The following DSCAM variants were observed in gnomAD, a reference collection of about 807,000 sequenced individuals.
The protein encoded by DSCAM is DS cell adhesion molecule.
In DSCAM, 47 loss-of-function variants were observed where a neutral mutation model predicts 217.7. That is an observed-to-expected ratio of 0.22 (90% CI 0.17 to 0.28). The LOEUF is 0.28. Ranked by LOEUF, DSCAM falls within the 10% of genes least tolerant of loss-of-function variation. The pLI is 1.00. For synonymous variants in DSCAM, 1,056 were observed against 1,015.3 expected (o/e 1.04, Z -0.76); for missense variants, 2,080 against 2,618.3 (o/e 0.79, Z 4.49).
rs779717185 is a variant in DSCAM at position 40,627,803 on chromosome 21, G to A, written c.508+65007C>T. Reference sequence around the variant, plus strand: ...TTAAGCATGGTTGCACAGAGAAATCGAACCATTATTTGGATTCAGATTTAC... The same window carrying A: ...TTAAGCATGGTTGCACAGAGAAATCAAACCATTATTTGGATTCAGATTTAC... On this transcript the variant is annotated intron_variant, in intron 3 of 32. Coordinates refer to ENST00000400454, the MANE Select transcript of DSCAM (RefSeq NM_001389.5). Among the ~76,000 whole-genome samples the A allele has an allele frequency of 2.6e-5, 4 of 152,240 alleles. No individual in the cohort carries two copies. In the South Asian group the frequency reaches 6.2e-4, roughly 24 times the overall value.
At chr21:40,590,071 C>T (rs946755838) in intron 3 of DSCAM, among the ~76,000 whole-genome samples, 2 of 152,198 alleles carry the variant, frequency 1.3e-5, no homozygotes, top group African/African-American at 4.8e-5. Flanking sequence ...CAGTTTCCGT[C>T]ATTTTGTAAG....
intron 14 of DSCAM, among the ~76,000 whole-genome samples, chr21:40,185,129 T>C (rs1187715317): frequency 6.6e-6 from 1 of 152,062 alleles, no homozygotes; most frequent in Non-Finnish European, 1.5e-5. Context: ...AATCAGCATA[T>C]TTGTCAGTAA....
intron 3 of DSCAM, among the ~76,000 whole-genome samples, chr21:40,490,187 C>A (rs1322695421): frequency 6.6e-6 from 1 of 152,158 alleles, no homozygotes; most frequent in African/African-American, 2.4e-5. Flanking sequence ...AGACCCACCC[C>A]CATGATTCAA....
chr21:40,339,192 G>A lies in DSCAM; in HGVS notation c.1434C>T (p.Asp478=), dbSNP rs759939882. ...YLNISSSQVR[D]GGVYRCTANN... ...TGGCAGTGCAGCGGTAGACTCCCCC[G>A]TCCCGGACCTGGGAGCTGGAGATGT... The change falls in exon 7 of 33, where the codon GAC becomes GAT. Residue 478 remains aspartate (D), a synonymous_variant. Transcript: ENST00000400454. 2.5e-6 allele frequency: 4 copies of A among 1,614,166 alleles called. No individual in the cohort carries two copies. The highest frequency in any genetic ancestry group is 1.1e-5 in the South Asian group (1 of 91,084).
intron 1 of DSCAM, among the ~76,000 whole-genome samples, chr21:40,723,537 T>G (rs78624243): frequency 1.3e-5 from 2 of 152,222 alleles, no homozygotes; most frequent in Non-Finnish European, 1.5e-5. Context: ...GGCAGCATGC[T>G]TCATAGGAGA....
At chr21:40,631,237 T>C (rs1022664886) in intron 3 of DSCAM, among the ~76,000 whole-genome samples, 1 of 152,190 alleles carries the variant, frequency 6.6e-6, no homozygotes, top group Admixed American at 6.5e-5. Flanking sequence ...AGTGCAGCTC[T>C]ATCTGCCCCA....
At chr21:40,630,950 A>G (rs1298764701) in intron 3 of DSCAM, among the ~76,000 whole-genome samples, 2 of 152,186 alleles carry the variant, frequency 1.3e-5, no homozygotes, top group Non-Finnish European at 2.9e-5. Flanking sequence ...CCAAGGAGAG[A>G]AAGACTCTGG....
intron 1 of DSCAM, among the ~76,000 whole-genome samples, chr21:40,816,091 T>C (rs527478678): frequency 4.5e-4 from 68 of 152,316 alleles, no homozygotes; most frequent in African/African-American, 1.6e-3. Context: ...AGAGAAACAA[T>C]GTCAAAACAG....
chr21:40,310,708 G>A (rs2074128234), intron 9 of DSCAM, among the ~76,000 whole-genome samples: 1 of 152,166 alleles, frequency 6.6e-6, no homozygotes, highest in African/African-American at 2.4e-5. Flanking sequence ...TAGAAAGCAG[G>A]CTGATGTACT....
chr21:40,364,929 CAAG>C, intron 4 of DSCAM, among the ~76,000 whole-genome samples: 1 of 149,750 alleles, frequency 6.7e-6, no homozygotes, highest in African/African-American at 2.4e-5. Flanking sequence ...TATAAATTTT[CAAG>C]AATTATAAAA....
chr21:40,388,480 A>G (rs1462206248), intron 3 of DSCAM, among the ~76,000 whole-genome samples: 4 of 152,114 alleles, frequency 2.6e-5, no homozygotes, highest in African/African-American at 7.2e-5. Flanking sequence ...TGCTTTTGAC[A>G]CTTTTCCACA....
intron 3 of DSCAM, among the ~76,000 whole-genome samples, chr21:40,585,519 C>T (rs2076940125): frequency 6.6e-6 from 1 of 151,900 alleles, no homozygotes. Flanking sequence ...TAAAGCACAG[C>T]AAAATACATG....
At chr21:40,841,328 A>G (rs1462002408) in intron 1 of DSCAM, among the ~76,000 whole-genome samples, 4 of 152,002 alleles carry the variant, frequency 2.6e-5, no homozygotes, top group Non-Finnish European at 5.9e-5. Context: ...CATAGTGGAT[A>G]CTCCGTGGGG....
In DSCAM at chr21:40,326,552, C is replaced by T. The variant is rs114074344; in HGVS notation, c.1783+11549G>A. 9.0e-3 allele frequency among the ~76,000 whole-genome samples: 1,375 copies of T among 152,140 alleles called. 18 individuals carry two copies. The highest frequency in any genetic ancestry group is 0.031 in the African/African-American group (1,282 of 41,506). ...CGACTGGGAGCTTTATGTGGAGAAA[C>T]GGGGAACTATTTAGTGTTGCTCTAG... On this transcript the variant is annotated intron_variant, in intron 8 of 32. Transcript: ENST00000400454.
chr21:40,476,380 T>G, intron 3 of DSCAM, among the ~76,000 whole-genome samples: 1 of 152,346 alleles, frequency 6.6e-6, no homozygotes, highest in Middle Eastern at 3.4e-3. Context: ...TGAGTTGTTA[T>G]AAGGCTTTAA....
rs74730605 is a variant in DSCAM, at chr21:40,331,393, G to A, written c.1783+6708C>T. Among the ~76,000 whole-genome samples the A allele has an allele frequency of 6.1e-3, 923 of 152,190 alleles. 8 individuals are homozygous for A. The highest frequency in any genetic ancestry group is 0.021 in the African/African-American group (875 of 41,516). The stretch of plus-strand genomic sequence containing the variant: ...GATGTCATTAGAAGACGGCATCCCC[G>A]GCCGCTCACCTCGAGTGGAAGGCGA... On this transcript the variant is annotated intron_variant, in intron 8 of 32. Transcript: ENST00000400454.
chr21:40,401,194 T>A (rs2075230099), intron 3 of DSCAM, among the ~76,000 whole-genome samples: 1 of 152,228 alleles, frequency 6.6e-6, no homozygotes, highest in Admixed American at 6.5e-5. Flanking sequence ...GAAAAGTAAC[T>A]TTTTTAAAGT....
intron 1 of DSCAM, among the ~76,000 whole-genome samples, chr21:40,759,957 ACATTTATT>A (rs1365715222): frequency 1.4e-5 from 2 of 141,218 alleles, no homozygotes; most frequent in Admixed American, 7.7e-5. Context: ...GGATACGTTT[ACATTTATT>A]TATTTATTTA....
intron 25 of DSCAM, among the ~76,000 whole-genome samples, chr21:40,079,735 C>T (rs569263027): frequency 1.2e-3 from 179 of 151,838 alleles, no homozygotes; most frequent in African/African-American, 4.0e-3. Flanking sequence ...AAAAAACAAA[C>T]GCAATTTACC....
Sources: allele counts gnomAD v4.1 joint callset (sites outside exome capture counted in the v4.1 genomes callset), GRCh38; gene constraint gnomAD v4.1.1; transcripts MANE v1.5; gene names NCBI Gene and HGNC (gene_info 2026-07-23, HGNC 2026-07-21).